Variants in SPATA1 observed in about 807,000 individuals in gnomAD.
SPATA1 encodes the protein spermatogenesis associated 1, also known as spermatogenesis-associated protein 1.
In SPATA1, 57 loss-of-function variants were observed where a neutral mutation model predicts 59.6. That is an observed-to-expected ratio of 0.96 (90% CI 0.77 to 1.19). The LOEUF (loss-of-function observed/expected upper bound fraction) is 1.19, where lower values mean the gene tolerates loss of function less well. Among genes scored for constraint, SPATA1 ranks in the 50% most tolerant of loss-of-function variants. SPATA1 has a pLI of 0.00. For synonymous variants in SPATA1, 147 were observed against 163.9 expected (o/e 0.90, Z 0.79); for missense variants, 448 against 480.7 (o/e 0.93, Z 0.64).
At chr1:84,545,552 T>A in intron 9 of SPATA1, 82 bp from the exon 10 acceptor site, 2 of 1,394,032 alleles carry the variant, frequency 1.4e-6, no homozygotes, top group South Asian at 3.1e-5. Flanking sequence ...TAGACATTTT[T>A]AAGTTTTACA....
intron 2 of SPATA1, among the ~76,000 whole-genome samples, chr1:84,519,249 A>C (rs1682920377): frequency 6.6e-6 from 1 of 152,128 alleles, no homozygotes; most frequent in African/African-American, 2.4e-5. Flanking sequence ...TATTTTTAAA[A>C]TAGCTAATGG....
At chr1:84,557,034 A>C (rs181734752), downstream of SPATA1, among the ~76,000 whole-genome samples, 24 of 152,144 alleles carry the variant, frequency 1.6e-4, 1 homozygote, top group African/African-American at 5.8e-4. Flanking sequence ...GATATTATTA[A>C]GAAATTCAAA....
chr1:84,520,718 T>C (rs2101936229), intron 3 of SPATA1, 27 bp downstream of exon 3: 2 of 1,368,776 alleles, frequency 1.5e-6, no homozygotes, highest in East Asian at 4.9e-5. Flanking sequence ...CATGTAACAA[T>C]ATGCCTGAAA....
intron 4 of SPATA1, chr1:84,563,896 C>A: frequency 6.6e-7 from 1 of 1,516,834 alleles, no homozygotes. Flanking sequence ...TTCATACAAG[C>A]TATGCAACCG....
At chr1:84,536,863 ATTTGT>A (rs1358769538) in intron 8 of SPATA1, among the ~76,000 whole-genome samples, 2 of 143,044 alleles carry the variant, frequency 1.4e-5, no homozygotes, top group Admixed American at 1.5e-4. Context: ...ACTATACTTG[ATTTGT>A]TTTTTCTTTT....
intron 2 of SPATA1, among the ~76,000 whole-genome samples, chr1:84,517,023 C>T (rs917579238): frequency 7.2e-5 from 11 of 152,102 alleles, no homozygotes; most frequent in Non-Finnish European, 1.2e-4. Flanking sequence ...AAACCAACTG[C>T]GGTCAAGATT....
chr1:84,546,457 C>CAAAA (rs10618711), intron 10 of SPATA1, among the ~76,000 whole-genome samples: 3 of 82,060 alleles, frequency 3.7e-5, no homozygotes, highest in East Asian at 4.1e-4. Flanking sequence ...GACTCTGCCT[C>CAAAA]AAAAAAAAAA....
At chr1:84,545,512 A>C in intron 9 of SPATA1, 122 bp from the exon 10 acceptor site, 1 of 1,123,426 alleles carries the variant, frequency 8.9e-7, no homozygotes, top group African/African-American at 1.7e-5. Context: ...CAAGAAAAAC[A>C]GTTTGGGATA....
chr1:84,550,687 A>T, intron 12 of SPATA1, 157 bp downstream of exon 12: 5 of 1,198,004 alleles, frequency 4.2e-6, no homozygotes, highest in Non-Finnish European at 5.2e-6. Flanking sequence ...GAAAAAAAAA[A>T]TGCAGGAAGA....
intron 8 of SPATA1, among the ~76,000 whole-genome samples, chr1:84,540,688 C>A (rs1417652435): frequency 6.6e-6 from 1 of 152,162 alleles, no homozygotes; most frequent in Non-Finnish European, 1.5e-5. Flanking sequence ...TCAATGATTT[C>A]TTGGTTAGAT....
Position 84,542,955 on chromosome 1 carries a change from T to C in SPATA1, c.718-1247T>C, listed in dbSNP as rs190697291. The stretch of plus-strand genomic sequence containing the variant: ...ATATATACTATATATACTGTGTTTT[T>C]TCCTGTACATATATACCTATGACAA... On this transcript the variant is annotated intron_variant, in intron 8 of 12. Coordinates refer to ENST00000490879, the Ensembl canonical transcript of SPATA1. Among the ~76,000 whole-genome samples, 19 of 152,300 alleles carry C rather than the reference T, an allele frequency of 1.2e-4. No individual in the cohort carries two copies. The East Asian group carries it at 3.7e-3, about 29-fold the overall frequency.
At chr1:84,563,128 T>C (rs1030920026) in intron 4 of SPATA1, 4 of 531,470 alleles carry the variant, frequency 7.5e-6, no homozygotes, top group East Asian at 3.5e-5. Context: ...AGTTTACTCA[T>C]GTAAATAGCA....
At chr1:84,547,953 G>T (rs1684141444) in intron 10 of SPATA1, among the ~76,000 whole-genome samples, 1 of 152,182 alleles carries the variant, frequency 6.6e-6, no homozygotes. Flanking sequence ...AAAGCAGACA[G>T]ACCAGTTAGA....
At chr1:84,534,843 T>A (rs1299287847) in intron 8 of SPATA1, among the ~76,000 whole-genome samples, 1 of 152,144 alleles carries the variant, frequency 6.6e-6, no homozygotes, top group Admixed American at 6.5e-5. Context: ...CCATAGTTAA[T>A]AAATCACAAA....
intron 1 of SPATA1, among the ~76,000 whole-genome samples, chr1:84,514,216 C>G (rs558219143): frequency 6.6e-6 from 1 of 152,096 alleles, no homozygotes; most frequent in Non-Finnish European, 1.5e-5. Context: ...GGTCTAATCC[C>G]CAAGGGCTCA....
intron 6 of SPATA1, among the ~76,000 whole-genome samples, chr1:84,531,531 A>C (rs925109124): frequency 1.3e-5 from 2 of 150,636 alleles, no homozygotes; most frequent in African/African-American, 4.9e-5. Context: ...CCAAACAAAA[A>C]TCAGTATGGG....
chr1:84,520,591 G>A lies in SPATA1; in HGVS notation c.43G>A (p.Glu15Lys), dbSNP rs781057086. ...TTCTTCTCAATTTATTCAGTTGGTGGAACTTCATGTTTTTTATGTCCCTGA... is the reference window on the plus strand; with the variant it reads ...TTCTTCTCAATTTATTCAGTTGGTGAAACTTCATGTTTTTTATGTCCCTGA... The change falls in exon 3 of 13, where the codon GAA becomes AAA. Residue 15 changes from glutamate (E) to lysine (K), a missense_variant. Transcript: ENST00000490879. The A allele has an allele frequency of 2.6e-6, 4 of 1,537,400 alleles. No individual in the cohort carries two copies. In the Admixed American group the frequency reaches 6.8e-5, roughly 26 times the overall value.
exon 5 of SPATA1, chr1:84,565,958 A>AAT (rs1684692010): frequency 6.3e-7 from 1 of 1,596,254 alleles, no homozygotes; most frequent in African/African-American, 1.4e-5. Flanking sequence ...ATTCCAGTAT[A>AAT]ATTATAGCAT....
chr1:84,529,503 T>C (rs1012746176), intron 6 of SPATA1, among the ~76,000 whole-genome samples: 15 of 151,840 alleles, frequency 9.9e-5, no homozygotes, highest in Admixed American at 2.6e-4. Context: ...ATGCTATCCC[T>C]TCTGAAACGT....
Sources: gnomAD v4.1 joint callset for allele counts (sites outside exome capture counted in the v4.1 genomes callset) on GRCh38, gnomAD v4.1.1 for gene constraint, MANE v1.5 for transcripts, NCBI Gene and HGNC (gene_info 2026-07-23, HGNC 2026-07-21) for gene names.